TAFA5: variants seen among roughly 807,000 people sequenced by gnomAD.
The protein encoded by TAFA5 is chemokine-like protein TAFA-5.
In TAFA5, 6 loss-of-function variants were observed where a neutral mutation model predicts 15.3. That is an observed-to-expected ratio of 0.39 (90% CI 0.21 to 0.77). The LOEUF (loss-of-function observed/expected upper bound fraction) is 0.77, where lower values mean the gene tolerates loss of function less well. Among genes scored for constraint, TAFA5 ranks in the 30% least tolerant of loss-of-function variants. The pLI is 0.41. For missense variants in TAFA5, 161 were observed against 193.1 expected (o/e 0.83, Z 0.98); for synonymous variants, 103 against 80.7 (o/e 1.28, Z -1.48).
chr22:48,599,357 C>T (rs1360414340), intron 1 of TAFA5, among the ~76,000 whole-genome samples: 1 of 152,194 alleles, frequency 6.6e-6, no homozygotes, highest in Non-Finnish European at 1.5e-5. Flanking sequence ...ATGGCAAGGG[C>T]TTGAAGGGCT....
At chr22:48,500,742 C>T (rs1289310921) in intron 1 of TAFA5, among the ~76,000 whole-genome samples, 3 of 152,248 alleles carry the variant, frequency 2.0e-5, no homozygotes, top group Non-Finnish European at 2.9e-5. Flanking sequence ...GCTGACATCG[C>T]ACTGTGTCCC....
chr22:48,641,807 G>A (rs1356964814), intron 1 of TAFA5, among the ~76,000 whole-genome samples: 3 of 152,218 alleles, frequency 2.0e-5, no homozygotes, highest in Admixed American at 1.3e-4. Flanking sequence ...CCAAGCACTC[G>A]GCCTGGGCTT....
intron 1 of TAFA5, among the ~76,000 whole-genome samples, chr22:48,614,650 G>A (rs1410301784): frequency 2.0e-5 from 3 of 152,202 alleles, no homozygotes; most frequent in Non-Finnish European, 4.4e-5. Flanking sequence ...ACATGCTGTA[G>A]GTGACCTTTG....
intron 1 of TAFA5, among the ~76,000 whole-genome samples, chr22:48,602,297 C>A (rs1162604535): frequency 6.6e-6 from 1 of 152,232 alleles, no homozygotes; most frequent in Non-Finnish European, 1.5e-5. Flanking sequence ...GGGGCCACCC[C>A]CCCACAAGCA....
chr22:48,749,198 A>C (rs1194818915), intron 3 of TAFA5, among the ~76,000 whole-genome samples: 1 of 152,012 alleles, frequency 6.6e-6, no homozygotes, highest in Non-Finnish European at 1.5e-5. Flanking sequence ...CCTGGAGTGG[A>C]CCCTCCCTCA....
At chr22:48,632,485 C>T (rs201688626) in intron 1 of TAFA5, among the ~76,000 whole-genome samples, 1 of 130,572 alleles carries the variant, frequency 7.7e-6, no homozygotes, top group African/African-American at 4.7e-5. Flanking sequence ...AAGCCCACTG[C>T]GCTGCTGCCT....
chr22:48,542,370 GGTGTGTGGTGTGT>G (rs892814633), intron 1 of TAFA5, among the ~76,000 whole-genome samples: 3 of 121,176 alleles, frequency 2.5e-5, no homozygotes, highest in South Asian at 3.0e-4. Context: ...TGTGTGTGCG[GGTGTGTGGTGTGT>G]GTGTGTGGTG....
chr22:48,627,871 C>T (rs1926079777), intron 1 of TAFA5, among the ~76,000 whole-genome samples: 1 of 152,236 alleles, frequency 6.6e-6, no homozygotes, highest in South Asian at 2.1e-4. Flanking sequence ...AGGCTGACCT[C>T]AGCAACACAT....
chr22:48,593,572 C>T (rs906148643), intron 1 of TAFA5, among the ~76,000 whole-genome samples: 9 of 152,128 alleles, frequency 5.9e-5, no homozygotes, highest in African/African-American at 2.2e-4. Context: ...TTGAGAGAAA[C>T]ATCCCCTTGG....
At chr22:48,644,852 C>G (rs936139077) in intron 1 of TAFA5, among the ~76,000 whole-genome samples, 12 of 152,236 alleles carry the variant, frequency 7.9e-5, no homozygotes, top group African/African-American at 2.4e-4. Context: ...CACGCACCCA[C>G]CACGGCTTTC....
chr22:48,619,352 AATTG>A, intron 1 of TAFA5, among the ~76,000 whole-genome samples: 1 of 151,276 alleles, frequency 6.6e-6, no homozygotes, highest in East Asian at 2.0e-4. Flanking sequence ...GTGATTGATT[AATTG>A]ATTGACTGAT....
intron 2 of TAFA5, among the ~76,000 whole-genome samples, chr22:48,660,484 C>G (rs757720491): frequency 6.6e-6 from 1 of 152,236 alleles, no homozygotes; most frequent in Admixed American, 6.5e-5. Context: ...TAAGAATGAA[C>G]TTAAAAACTC....
intron 1 of TAFA5, among the ~76,000 whole-genome samples, chr22:48,633,434 C>CGTGCAG (rs1926304380): frequency 6.6e-6 from 1 of 152,126 alleles, no homozygotes; most frequent in Non-Finnish European, 1.5e-5. Context: ...TCACCACCCA[C>CGTGCAG]GTGCAGGGGC....
chr22:48,651,818 C>T lies in TAFA5; in HGVS notation c.262+5072C>T, dbSNP rs1287529744. Among the ~76,000 whole-genome samples, 3 of 152,102 alleles carry T rather than the reference C, an allele frequency of 2.0e-5. No individual in the cohort carries two copies. In the East Asian group the frequency reaches 5.8e-4, roughly 29 times the overall value. Reference sequence around the variant, plus strand: ...CTGTCCTCATCCTCCAGCAGCAGGTCGGTGCGGGAGGGTGGAGGGTGCCCT... The same window carrying T: ...CTGTCCTCATCCTCCAGCAGCAGGTTGGTGCGGGAGGGTGGAGGGTGCCCT... On this transcript the variant is annotated intron_variant, in intron 2 of 3. Coordinates refer to ENST00000402357, the MANE Select transcript of TAFA5 (RefSeq NM_001082967.3).
intron 2 of TAFA5, among the ~76,000 whole-genome samples, chr22:48,648,117 G>A (rs951711813): frequency 3.9e-5 from 6 of 152,196 alleles, no homozygotes; most frequent in African/African-American, 1.4e-4. Context: ...GTGGCATCCT[G>A]CACTGAAACA....
chr22:48,700,975 G>C (rs130130), intron 2 of TAFA5, among the ~76,000 whole-genome samples: 1 of 151,910 alleles, frequency 6.6e-6, no homozygotes, highest in Non-Finnish European at 1.5e-5. Flanking sequence ...TCTGCTTCTC[G>C]TCCCCCAAGT....
At chr22:48,735,313 G>T (rs993749569) in intron 3 of TAFA5, among the ~76,000 whole-genome samples, 3 of 152,210 alleles carry the variant, frequency 2.0e-5, no homozygotes, top group Admixed American at 2.0e-4. Context: ...CTAGGAGACA[G>T]ATCACAGCGT....
chr22:48,686,273 TAGACAGAA>T lies in TAFA5; in HGVS notation c.263-21442_263-21435del, dbSNP rs553407005. ...GCTATGGCTGCTATAATGGAGTGCA[TAGACAGAA>T]ATTTGTTTCTCACAGCTCTGGAGGC... On this transcript the variant is annotated intron_variant, in intron 2 of 3. Coordinates refer to ENST00000402357, the MANE Select transcript of TAFA5 (RefSeq NM_001082967.3). Among the ~76,000 whole-genome samples the T allele has an allele frequency of 2.6e-3, 392 of 152,318 alleles. 2 individuals are homozygous for T. Among genetic ancestry groups the T allele is most frequent in the African/African-American group, 8.4e-3 (349 of 41,552 alleles).
chr22:48,584,900 T>TCACACACACACAC (rs532800539), intron 1 of TAFA5, among the ~76,000 whole-genome samples: 1 of 118,990 alleles, frequency 8.4e-6, no homozygotes, highest in Non-Finnish European at 1.8e-5. Context: ...AAAATACATC[T>TCACACACACACAC]CACACACACA....
Sources: allele counts gnomAD v4.1 joint callset (sites outside exome capture counted in the v4.1 genomes callset), GRCh38; gene constraint gnomAD v4.1.1; transcripts MANE v1.5; gene names NCBI Gene and HGNC (gene_info 2026-07-23, HGNC 2026-07-21).